ZNF423: variants seen among roughly 807,000 people sequenced by gnomAD.
The protein encoded by ZNF423 is zinc finger protein 423, also known as Ebf-associated zinc finger protein.
ZNF423 carries 12 observed loss-of-function variants against 95.8 expected under a neutral mutation model. The observed-to-expected ratio is 0.13, with a 90% confidence interval of 0.08 to 0.20. The LOEUF (loss-of-function observed/expected upper bound fraction) is 0.20, where lower values mean the gene tolerates loss of function less well. ZNF423 is among the 10% of genes least tolerant of loss of function. ZNF423 has a pLI of 1.00. For synonymous variants in ZNF423, 749 were observed against 711.9 expected (o/e 1.05, Z -0.83); for missense variants, 1,316 against 1,737.1 (o/e 0.76, Z 4.31).
intron 2 of ZNF423, among the ~76,000 whole-genome samples, chr16:49,732,028 A>G (rs1451065470): frequency 1.3e-5 from 2 of 152,218 alleles, no homozygotes; most frequent in Non-Finnish European, 2.9e-5. Context: ...ACCATTATAT[A>G]TGCACAGCCC....
intron 2 of ZNF423, among the ~76,000 whole-genome samples, chr16:49,776,618 G>T (rs190028026): frequency 1.4e-3 from 215 of 152,356 alleles, no homozygotes; most frequent in Non-Finnish European, 2.6e-3. Flanking sequence ...AGAGGCAGGT[G>T]CAGGGTGTAA....
chr16:49,812,006 G>C (rs879570798), intron 1 of ZNF423, among the ~76,000 whole-genome samples: 10 of 152,234 alleles, frequency 6.6e-5, no homozygotes, highest in Admixed American at 2.6e-4. Context: ...CCCTAGGCCT[G>C]TGACAGGGAG....
chr16:49,819,120 G>A (rs1282631930), intron 1 of ZNF423, among the ~76,000 whole-genome samples: 3 of 151,696 alleles, frequency 2.0e-5, no homozygotes, highest in African/African-American at 7.3e-5. Flanking sequence ...GGGCGTGGTA[G>A]TGGGTGCCTG....
chr16:49,700,037 CA>C (rs1374597533), intron 3 of ZNF423, among the ~76,000 whole-genome samples: 1 of 151,958 alleles, frequency 6.6e-6, no homozygotes, highest in Non-Finnish European at 1.5e-5. Context: ...GTTTCAAGGC[CA>C]AAGACCCTCT....
intron 3 of ZNF423, among the ~76,000 whole-genome samples, chr16:49,705,565 G>A (rs887182268): frequency 2.0e-5 from 3 of 152,146 alleles, no homozygotes; most frequent in African/African-American, 7.2e-5. Flanking sequence ...GCGTGATTTT[G>A]AGACAGAGTT....
At chr16:49,830,869 T>A (rs1313809995) in intron 1 of ZNF423, among the ~76,000 whole-genome samples, 1 of 152,136 alleles carries the variant, frequency 6.6e-6, no homozygotes. Context: ...CCCCTCATGC[T>A]TGAGCTTTTC....
At position 49,738,574 on chromosome 16, in the gene ZNF423, C is replaced by T. The variant is rs115438357; in HGVS notation, c.101-7603G>A. Among the ~76,000 whole-genome samples, 1,439 of 152,200 alleles carry T rather than the reference C, an allele frequency of 9.5e-3. 19 individuals carry two copies. The highest frequency in any genetic ancestry group is 0.033 in the African/African-American group (1,356 of 41,524). ...ACAGGCACACAGCTCAGCTCCACAT[C>T]AGGGGATATAGGAGCCTTGTGGGGT... On this transcript the variant is annotated intron_variant, in intron 2 of 7. Coordinates refer to ENST00000563137, the MANE Select transcript of ZNF423 (RefSeq NM_001379286.1).
chr16:49,647,967 T>G (rs12917717), intron 3 of ZNF423, among the ~76,000 whole-genome samples: 1 of 151,910 alleles, frequency 6.6e-6, no homozygotes. Flanking sequence ...TTTTGAGGAG[T>G]ATGATTTATT....
At chr16:49,594,428 A>G (rs147829463) in intron 5 of ZNF423, among the ~76,000 whole-genome samples, 2 of 151,962 alleles carry the variant, frequency 1.3e-5, no homozygotes, top group Non-Finnish European at 2.9e-5. Context: ...TCTCACACAG[A>G]CACACACACA....
At chr16:49,854,581 T>TC in intron 1 of ZNF423, 1 of 985,430 alleles carries the variant, frequency 1.0e-6, no homozygotes, top group Non-Finnish European at 1.2e-6. Flanking sequence ...TTAGCCGCTC[T>TC]CATCGTTCCC....
intron 3 of ZNF423, among the ~76,000 whole-genome samples, chr16:49,670,962 G>A (rs760060997): frequency 2.0e-5 from 3 of 152,212 alleles, no homozygotes; most frequent in Non-Finnish European, 4.4e-5. Flanking sequence ...GGCCAGCAAC[G>A]CCAGGGGACA....
At position 49,765,301 on chromosome 16, in the gene ZNF423, C is replaced by T. The variant is rs78897958; in HGVS notation, c.100+24186G>A. The stretch of plus-strand genomic sequence containing the variant: ...TCATTTTGGGAAGATGAAAACTTTC[C>T]GAAGGTGGATGGTGGTGGTAGCTGC... On this transcript the variant is annotated intron_variant, in intron 2 of 7. Coordinates refer to ENST00000563137, the MANE Select transcript of ZNF423 (RefSeq NM_001379286.1). Among the ~76,000 whole-genome samples, 13 of 152,134 alleles carry T rather than the reference C, an allele frequency of 8.5e-5. No homozygotes were observed. In the East Asian group the frequency reaches 2.1e-3, roughly 25 times the overall value.
chr16:49,765,022 T>C (rs2033904885), intron 2 of ZNF423, among the ~76,000 whole-genome samples: 1 of 151,382 alleles, frequency 6.6e-6, no homozygotes, highest in Non-Finnish European at 1.5e-5. Context: ...TCTCCCAAAG[T>C]GCTGGGATTA....
At chr16:49,598,014 T>C (rs1404021723) in intron 5 of ZNF423, among the ~76,000 whole-genome samples, 1 of 151,970 alleles carries the variant, frequency 6.6e-6, no homozygotes, top group Non-Finnish European at 1.5e-5. Context: ...CCTCCCTTAC[T>C]CTCCCCTGCC....
Position 49,636,232 on chromosome 16 carries a change from G to C in ZNF423, c.2944C>G (p.Leu982Val). Reference sequence around the variant, plus strand: ...CTGTGGGTCACCTTGTGTTCGGTGAGCGTCAGCAGCGAAGGGAAGCGCTCA... The same window carrying C: ...CTGTGGGTCACCTTGTGTTCGGTGACCGTCAGCAGCGAAGGGAAGCGCTCA... ...CGERFPSLLT[L>V]TEHKVTHSKS... The change falls in exon 4 of 8, where the codon CTC (leucine) becomes GTC (valine). Residue 982 changes from leucine to valine, a missense_variant. Physicochemically the swap from Leu to Val is conservative, Grantham distance 32 (BLOSUM62 1). This residue lies in a region of ZNF423 where 620 missense variants were observed against 775.6 expected (regional missense o/e 0.80). Transcript: ENST00000563137. The surrounding 1 kb of genome is among the most constrained non-coding windows in gnomAD (Gnocchi z 8.6). 6.2e-7 allele frequency: 1 copy of C among 1,613,122 alleles called. No homozygotes were observed. The highest frequency in any genetic ancestry group is 8.5e-7 in the Non-Finnish European group (1 of 1,179,998).
chr16:49,857,547 A>G (rs1183351101), upstream of ZNF423, among the ~76,000 whole-genome samples: 1 of 152,192 alleles, frequency 6.6e-6, no homozygotes, highest in Non-Finnish European at 1.5e-5. The surrounding 1 kb of genome is among the most constrained non-coding windows in gnomAD (Gnocchi z 6.2). Flanking sequence ...CCTCACGCAC[A>G]TGAACTATCC....
intron 7 of ZNF423, among the ~76,000 whole-genome samples, chr16:49,502,446 G>A (rs1244471727): frequency 6.6e-6 from 1 of 152,034 alleles, no homozygotes; most frequent in Non-Finnish European, 1.5e-5. Flanking sequence ...AGACCAAGGA[G>A]CATGTAAGGA....
At chr16:49,763,227 T>C (rs1373026460) in intron 2 of ZNF423, among the ~76,000 whole-genome samples, 1 of 152,074 alleles carries the variant, frequency 6.6e-6, no homozygotes, top group Non-Finnish European at 1.5e-5. Context: ...CAGCAGGTAT[T>C]TTTGTTGTTG....
At chr16:49,506,921 G>C (rs141207110) in intron 7 of ZNF423, among the ~76,000 whole-genome samples, 395 of 152,232 alleles carry the variant, frequency 2.6e-3, no homozygotes, top group Non-Finnish European at 5.0e-3. Context: ...AGATGGATTG[G>C]TGGGTGGATG....
Sources: gnomAD v4.1 joint callset for allele counts (sites outside exome capture counted in the v4.1 genomes callset) on GRCh38, gnomAD v4.1.1 for gene constraint, gnomAD v4.1.1 regional missense constraint, Gnocchi (gnomAD v3.1) non-coding constraint, MANE v1.5 for transcripts, NCBI Gene and HGNC (gene_info 2026-07-23, HGNC 2026-07-21) for gene names.